The following ENAH variants were observed in gnomAD, a reference collection of about 807,000 sequenced individuals.
The protein encoded by ENAH is protein enabled homolog.
A neutral mutation model predicts 78.7 loss-of-function variants in ENAH; 23 were observed. The observed-to-expected ratio is 0.29, with a 90% CI of 0.21 to 0.41. The LOEUF is 0.41. Among genes scored for constraint, ENAH ranks in the 10% least tolerant of loss-of-function variants. The pLI is 1.00. For synonymous variants in ENAH, 226 were observed against 241.0 expected (o/e 0.94, Z 0.58); for missense variants, 544 against 691.0 (o/e 0.79, Z 2.39).
intron 1 of ENAH, among the ~76,000 whole-genome samples, chr1:225,631,236 G>A (rs926722010): frequency 7.9e-5 from 12 of 152,028 alleles, no homozygotes; most frequent in Admixed American, 1.3e-4. Context: ...TTCTTGATTT[G>A]CCAAGCCACA....
intron 1 of ENAH, among the ~76,000 whole-genome samples, chr1:225,573,173 T>A (rs1028260344): frequency 4.6e-5 from 7 of 152,150 alleles, no homozygotes; most frequent in African/African-American, 1.7e-4. Flanking sequence ...TAAAACCAAG[T>A]TGTTAACAAA....
chr1:225,634,487 T>C (rs541866227), intron 1 of ENAH, among the ~76,000 whole-genome samples: 10 of 152,288 alleles, frequency 6.6e-5, no homozygotes, highest in African/African-American at 2.4e-4. Flanking sequence ...AAACTAGGGA[T>C]ACTGCTGAAC....
intron 6 of ENAH, among the ~76,000 whole-genome samples, chr1:225,516,224 C>G (rs1369365119): frequency 6.6e-6 from 1 of 152,144 alleles, no homozygotes; most frequent in Non-Finnish European, 1.5e-5. Context: ...ATGCTATTCT[C>G]TCTTGATTAC....
chr1:225,601,181 C>T (rs1481661774), intron 1 of ENAH, among the ~76,000 whole-genome samples: 1 of 151,982 alleles, frequency 6.6e-6, no homozygotes, highest in Non-Finnish European at 1.5e-5. Context: ...ATCAAGCAGA[C>T]AAAATATAAG....
rs2096226325 is a variant in ENAH, at chr1:225,492,386, A to T, written c.*5389T>A. On this transcript the variant is annotated 3_prime_UTR_variant, in exon 14 of 14. Coordinates refer to ENST00000366843, the MANE Select transcript of ENAH (RefSeq NM_018212.6). ...AGATGTCCTAACTACTAGGAATTATATGTCTTTAAAAACTGAGGAAAAAGA... is the reference window on the plus strand; with the variant it reads ...AGATGTCCTAACTACTAGGAATTATTTGTCTTTAAAAACTGAGGAAAAAGA... 1 of 152,146 alleles carries T rather than the reference A, an allele frequency of 6.6e-6. No individual in the cohort carries two copies. The highest frequency in any genetic ancestry group is 6.5e-5 in the Admixed American group (1 of 15,276). The allele number at this position is 152,146 out of a possible 1,614,324, so 9.4% of individuals were successfully genotyped here. A position where few individuals can be genotyped will look rare whatever the true frequency, so the allele number is the denominator to read the frequency against.
chr1:225,504,848 T>C (rs748385124), intron 11 of ENAH: 3 of 482,220 alleles, frequency 6.2e-6, no homozygotes, highest in African/African-American at 4.0e-5. Flanking sequence ...TGTGAAGTGA[T>C]GGCAGAATTT....
At chr1:225,591,765 A>AAT (rs2096878065) in intron 1 of ENAH, among the ~76,000 whole-genome samples, 1 of 70,788 alleles carries the variant, frequency 1.4e-5, no homozygotes, top group African/African-American at 1.2e-4. Flanking sequence ...ACTCCGTCTC[A>AAT]AAAAAAAAAA....
intron 1 of ENAH, among the ~76,000 whole-genome samples, chr1:225,651,871 A>G (rs1268850781): frequency 6.6e-6 from 1 of 152,230 alleles, no homozygotes; most frequent in Non-Finnish European, 1.5e-5. Context: ...GAAAAATATC[A>G]TACCATATGT....
chr1:225,545,252 T>G (rs929934345), intron 3 of ENAH, among the ~76,000 whole-genome samples: 27 of 152,212 alleles, frequency 1.8e-4, no homozygotes, highest in Admixed American at 1.8e-3. Flanking sequence ...CCTTTAAGAT[T>G]TTTTTGCTTT....
chr1:225,491,153 TATTTA>T lies in ENAH; in HGVS notation c.*6617_*6621del, dbSNP rs1165865948. The T allele has an allele frequency of 6.6e-6, 1 of 152,206 alleles. No homozygotes were observed. The highest frequency in any genetic ancestry group is 1.5e-5 in the Non-Finnish European group (1 of 68,042). 9.4% of individuals were successfully genotyped at this position (152,206 alleles called of 1,614,324 possible). A position where few individuals can be genotyped will look rare whatever the true frequency, so the allele number is the denominator to read the frequency against. On this transcript the variant is annotated 3_prime_UTR_variant, in exon 14 of 14. Coordinates refer to ENST00000366843, the MANE Select transcript of ENAH (RefSeq NM_018212.6). ...TAAAACACGTTGAAAAACATTTATT[TATTTA>T]GAGATGGAATCTCGCTCTGTCGCCC...
In ENAH at chr1:225,517,727, G is replaced by A. The variant is rs1301963456; in HGVS notation, c.803-421C>T. ...GAAGGTCGAGAGTTTTTGTTCAGAG[G>A]ACGAGGAACTGTAGCGTAATGGGGA... is the stretch of plus-strand genomic sequence containing the variant. On this transcript the variant is annotated intron_variant, in intron 5 of 13. Transcript: ENST00000366843. The A allele has an allele frequency of 3.9e-6, 6 of 1,551,172 alleles. No homozygotes were observed. The Admixed American group carries it at 7.8e-5, about 20-fold the overall frequency.
At position 225,497,713 on chromosome 1, in the gene ENAH, G is replaced by T; in HGVS notation, c.*62C>A. ...ATGTAGGGGTTTGCTGTTGTGAACAGTTGTTGTTTGTAGGATATTTTTCCT... is the reference window on the plus strand; with the variant it reads ...ATGTAGGGGTTTGCTGTTGTGAACATTTGTTGTTTGTAGGATATTTTTCCT... On this transcript the variant is annotated 3_prime_UTR_variant, in exon 14 of 14. Transcript: ENST00000366843. 1 of 1,534,088 alleles carries T rather than the reference G, an allele frequency of 6.5e-7. No individual in the cohort carries two copies. The highest frequency in any genetic ancestry group is 9.0e-7 in the Non-Finnish European group (1 of 1,113,450).
intron 1 of ENAH, among the ~76,000 whole-genome samples, chr1:225,608,220 G>GAAAAAAAAAAAAAAAAAA (rs60998592): frequency 3.3e-5 from 3 of 91,284 alleles, no homozygotes; most frequent in Admixed American, 2.3e-4. Context: ...ATAAAAAACA[G>GAAAAAAAAAAAAAAAAAA]AAAAAAAAAA....
At chr1:225,578,688 A>T (rs1328197257) in intron 1 of ENAH, among the ~76,000 whole-genome samples, 1 of 152,224 alleles carries the variant, frequency 6.6e-6, no homozygotes, top group African/African-American at 2.4e-5. Flanking sequence ...TGGAAAAATT[A>T]AAACCAACAG....
intron 2 of ENAH, among the ~76,000 whole-genome samples, chr1:225,562,508 C>T (rs2096711681): frequency 7.8e-6 from 1 of 128,136 alleles, no homozygotes; most frequent in Admixed American, 9.9e-5. Context: ...GAAGGCAGAG[C>T]TTGCAGTGAG....
At chr1:225,526,845 C>G (rs1311258933) in intron 4 of ENAH, among the ~76,000 whole-genome samples, 1 of 152,148 alleles carries the variant, frequency 6.6e-6, no homozygotes, top group East Asian at 1.9e-4. Context: ...AATTTCAACT[C>G]TTTGTTTTGG....
rs1477576140 is a variant in ENAH at position 225,494,225 on chromosome 1, A to G, written c.*3550T>C. ...GTCTGGTCAAAGAAAAAATACAAGG[A>G]TTGTATTTTTGTATTTCTAATGAAG... On this transcript the variant is annotated 3_prime_UTR_variant, in exon 14 of 14. Transcript: ENST00000366843. The G allele has an allele frequency of 6.6e-6, 1 of 151,974 alleles. No homozygotes were observed. Among genetic ancestry groups the G allele is most frequent in the African/African-American group, 2.4e-5 (1 of 41,400 alleles). 9.4% of individuals were successfully genotyped at this position (151,974 alleles called of 1,614,324 possible).
intron 1 of ENAH, among the ~76,000 whole-genome samples, chr1:225,636,704 A>C (rs1300046138): frequency 6.6e-6 from 1 of 152,204 alleles, no homozygotes; most frequent in Non-Finnish European, 1.5e-5. Context: ...ATAAAATGAG[A>C]AGGCCAAAAA....
intron 1 of ENAH, among the ~76,000 whole-genome samples, chr1:225,642,192 G>A (rs1464401805): frequency 2.0e-5 from 3 of 146,928 alleles, no homozygotes; most frequent in Non-Finnish European, 4.5e-5. Flanking sequence ...GTGAGAAAGA[G>A]TGAGACTCCA....
Sources: gnomAD v4.1 joint callset for allele counts (sites outside exome capture counted in the v4.1 genomes callset) on GRCh38, gnomAD v4.1.1 for gene constraint, MANE v1.5 for transcripts, NCBI Gene and HGNC (gene_info 2026-07-23, HGNC 2026-07-21) for gene names.